DENND11: variants seen among roughly 807,000 people sequenced by gnomAD.
The protein encoded by DENND11 is DENN domain containing 11, also known as DENN domain-containing protein 11.
A neutral mutation model predicts 49.2 loss-of-function variants in DENND11; 34 were observed. That is an observed-to-expected ratio of 0.69 (90% CI 0.53 to 0.92). The LOEUF (loss-of-function observed/expected upper bound fraction) is 0.92. Ranked by LOEUF, DENND11 falls within the 40% of genes least tolerant of loss-of-function variation. The pLI is 0.00. For missense variants in DENND11, 475 were observed against 581.6 expected (o/e 0.82, Z 1.88); for synonymous variants, 238 against 230.3 (o/e 1.03, Z -0.30).
chr7:141,689,178 A>C (rs966080673), intron 1 of DENND11, among the ~76,000 whole-genome samples: 3 of 152,242 alleles, frequency 2.0e-5, no homozygotes, highest in Non-Finnish European at 4.4e-5. Flanking sequence ...CACTATTCAC[A>C]ATAGCAAAGA....
intron 4 of DENND11, among the ~76,000 whole-genome samples, chr7:141,673,440 G>A (rs1419775498): frequency 6.6e-6 from 1 of 152,116 alleles, no homozygotes; most frequent in Admixed American, 6.6e-5. Context: ...CTCAGGGACT[G>A]CGTCCTCTCC....
intron 1 of DENND11, among the ~76,000 whole-genome samples, chr7:141,695,715 G>A (rs967134812): frequency 6.6e-6 from 1 of 152,174 alleles, no homozygotes; most frequent in African/African-American, 2.4e-5. Flanking sequence ...TCATCTCATG[G>A]CTAGTCCATC....
intron 4 of DENND11, 99 bp downstream of exon 4, chr7:141,673,968 T>C: frequency 7.2e-7 from 1 of 1,394,466 alleles, no homozygotes; most frequent in South Asian, 1.4e-5. Context: ...TTTTGTATGA[T>C]CCAAAGACAT....
Position 141,664,160 on chromosome 7 carries a change from C to A in DENND11, c.1172+12G>T. On this transcript the variant is annotated intron_variant, in intron 8 of 8. Coordinates refer to ENST00000536163, the MANE Select transcript of DENND11 (RefSeq NM_001080392.2). ...CTCAGGGAGACTCCACATCCACGGC[C>A]CCAGGACTCACAGCACGAAGAGGTC... 6.4e-7 allele frequency: 1 copy of A among 1,570,160 alleles called. No individual in the cohort carries two copies. Among genetic ancestry groups the A allele is most frequent in the Admixed American group, 1.8e-5 (1 of 54,542 alleles).
chr7:141,693,355 C>G (rs891222553), intron 1 of DENND11, among the ~76,000 whole-genome samples: 1 of 152,186 alleles, frequency 6.6e-6, no homozygotes, highest in Non-Finnish European at 1.5e-5. Context: ...ACACCAAATG[C>G]TGATGAGGAT....
Position 141,670,001 on chromosome 7 carries a change from G to A in DENND11, c.682-3576C>T, listed in dbSNP as rs560136894. Among the ~76,000 whole-genome samples the A allele has an allele frequency of 2.3e-3, 352 of 150,778 alleles. 2 individuals are homozygous for A. Among genetic ancestry groups the A allele is most frequent in the Middle Eastern group, 3.4e-3 (1 of 292 alleles). On this transcript the variant is annotated intron_variant, in intron 4 of 8. Transcript: ENST00000536163. ...AATTTTTTGTATTTTTAGTAGAGACGGGGTTTCACCGTGTTAGCCAGGATG... is the reference window on the plus strand; with the variant it reads ...AATTTTTTGTATTTTTAGTAGAGACAGGGTTTCACCGTGTTAGCCAGGATG...
At chr7:141,665,930 C>A (rs1797888561) in intron 5 of DENND11, among the ~76,000 whole-genome samples, 1 of 151,886 alleles carries the variant, frequency 6.6e-6, no homozygotes, top group Admixed American at 6.6e-5. Flanking sequence ...CGTCCCCCAT[C>A]TGGTGGCCCC....
chr7:141,686,332 T>A (rs1798241964), intron 2 of DENND11, among the ~76,000 whole-genome samples: 2 of 152,194 alleles, frequency 1.3e-5, no homozygotes, highest in African/African-American at 4.8e-5. Flanking sequence ...TGAGAGAACC[T>A]CTACAGGCAG....
rs1285196282 is a variant in DENND11 at position 141,674,114 on chromosome 7, CA to C, written c.633del (p.Val212SerfsTer15). Reference protein sequence around the residue: ...AGPGRGSSLPPVYWLPSIHRY... With the variant: ...AGPGRGSSLPXVYWLPSIHRY... Reference sequence around the variant, plus strand: ...CGGTGGATGGAAGGCAGCCAGTAGACAGGGGGCAGGCTGCTGCCTCTGCCGG... The same window carrying C: ...CGGTGGATGGAAGGCAGCCAGTAGACGGGGGCAGGCTGCTGCCTCTGCCGG... On this transcript the variant is annotated frameshift_variant, in exon 4 of 9. Transcript: ENST00000536163. LOFTEE classifies it high-confidence loss of function. 2.5e-6 allele frequency: 4 copies of C among 1,600,706 alleles called. No homozygotes were observed. The highest frequency in any genetic ancestry group is 1.1e-5 in the South Asian group (1 of 88,210).
chr7:141,679,741 A>G (rs1415342156), intron 3 of DENND11, among the ~76,000 whole-genome samples: 1 of 152,034 alleles, frequency 6.6e-6, no homozygotes, highest in African/African-American at 2.4e-5. Context: ...GAAATTAATA[A>G]GAAAAGGTAA....
At position 141,686,621 on chromosome 7, in the gene DENND11, G is replaced by T. The variant is rs775361873; in HGVS notation, c.306C>A (p.Asp102Glu). 54 of 1,612,736 alleles carry T rather than the reference G, an allele frequency of 3.3e-5. No individual in the cohort carries two copies. The highest frequency in any genetic ancestry group is 4.2e-5 in the Non-Finnish European group (50 of 1,179,190). The change falls in exon 2 of 9, where the codon GAC becomes GAA. Residue 102 changes from aspartate to glutamate, a missense_variant. Transcript: ENST00000536163. ...TAGACTTGAACTCAACACCTTCAAG[G>T]TCAATATCTTGAGGTAAGCACCATT... is the stretch of plus-strand genomic sequence containing the variant. Reference protein sequence around the residue: ...MVEWCLPQDIDLEGVEFKSMA... With the variant: ...MVEWCLPQDIELEGVEFKSMA...
intron 3 of DENND11, among the ~76,000 whole-genome samples, chr7:141,684,636 G>A (rs190687214): frequency 4.6e-4 from 70 of 152,158 alleles, no homozygotes; most frequent in Non-Finnish European, 1.5e-5. Context: ...TCACAATTAT[G>A]TTGCATAAAA....
intron 3 of DENND11, among the ~76,000 whole-genome samples, chr7:141,678,961 T>A (rs908064510): frequency 6.6e-6 from 1 of 152,180 alleles, no homozygotes; most frequent in Non-Finnish European, 1.5e-5. Flanking sequence ...TAAGAAATAA[T>A]CATTAAAAAG....
In DENND11 at chr7:141,686,657, TC is replaced by T; in HGVS notation, c.269del (p.Gly90GlufsTer4). ...GAGGTAAGCACCATTCTACCATGTT[TC>T]CTGCAGGAAAAGGAAGATGCAAGTT... ...VFVVTFDPRS[G>X]NMVEWCLPQD... On this transcript the variant is annotated frameshift_variant and splice_region_variant, in exon 2 of 9. Transcript: ENST00000536163. LOFTEE classifies it high-confidence loss of function. 6.2e-7 allele frequency: 1 copy of T among 1,608,550 alleles called. No homozygotes were observed. Among genetic ancestry groups the T allele is most frequent in the South Asian group, 1.1e-5 (1 of 90,194 alleles).
intron 4 of DENND11, among the ~76,000 whole-genome samples, chr7:141,669,809 A>ATTTTTTTTTT (rs72053527): frequency 1.7e-5 from 2 of 116,264 alleles, no homozygotes; most frequent in Non-Finnish European, 1.7e-5. Context: ...CATACATGCT[A>ATTTTTTTTTT]TTTTTTTTTT....
chr7:141,680,636 C>A (rs1255549871), intron 3 of DENND11, among the ~76,000 whole-genome samples: 5 of 151,490 alleles, frequency 3.3e-5, no homozygotes, highest in South Asian at 2.1e-4. Flanking sequence ...TGTTCAACTT[C>A]CAGATCACTC....
chr7:141,687,609 C>T lies in DENND11; in HGVS notation c.269-951G>A, dbSNP rs142425373. The stretch of plus-strand genomic sequence containing the variant: ...CCTCCCACGTAGCTGGGATTACAGG[C>T]GCATACCAGCACACTCGGCTAATTT... On this transcript the variant is annotated intron_variant, in intron 1 of 8. Transcript: ENST00000536163. Among the ~76,000 whole-genome samples the T allele has an allele frequency of 1.6e-4, 23 of 147,970 alleles. 1 individual carries two copies. In the East Asian group the frequency reaches 3.4e-3, roughly 22 times the overall value.
chr7:141,667,618 A>T (rs1342240009), intron 4 of DENND11, among the ~76,000 whole-genome samples: 1 of 152,154 alleles, frequency 6.6e-6, no homozygotes, highest in African/African-American at 2.4e-5. Flanking sequence ...CTCATCACCC[A>T]TCAGGGAGGC....
chr7:141,675,248 T>G (rs1798046608), intron 3 of DENND11, among the ~76,000 whole-genome samples: 1 of 152,104 alleles, frequency 6.6e-6, no homozygotes, highest in Admixed American at 6.5e-5. Context: ...ATTGCCAGCA[T>G]CCACCAGCAG....
Sources: gnomAD v4.1 joint callset for allele counts (sites outside exome capture counted in the v4.1 genomes callset) on GRCh38, gnomAD v4.1.1 for gene constraint, MANE v1.5 for transcripts, NCBI Gene and HGNC (gene_info 2026-07-23, HGNC 2026-07-21) for gene names.